MYT1: variants seen among roughly 807,000 people sequenced by gnomAD.
The protein encoded by MYT1 is myelin transcription factor I.
MYT1 carries 23 observed loss-of-function variants against 123.0 expected under a neutral mutation model. The observed-to-expected ratio is 0.19, with a 90% CI of 0.13 to 0.26. The LOEUF (loss-of-function observed/expected upper bound fraction) is 0.26, where lower values mean the gene tolerates loss of function less well. Among genes scored for constraint, MYT1 ranks in the 10% least tolerant of loss-of-function variants. MYT1 has a pLI of 1.00. For synonymous variants in MYT1, 518 were observed against 575.3 expected, an observed-to-expected ratio of 0.90 and a Z score of 1.43; for missense variants, 1,125 against 1,472.5, an observed-to-expected ratio of 0.76 and a Z score of 3.86.
chr20:64,239,665 A>G, intron 21 of MYT1, 95 bp from the exon 22 acceptor site: 6 of 1,550,786 alleles, frequency 3.9e-6, no homozygotes, highest in Non-Finnish European at 5.3e-6. Context: ...AGGGTTCTGC[A>G]TTCTCCCAGA....
chr20:64,171,172 G>A (rs187498231), intron 1 of MYT1, among the ~76,000 whole-genome samples: 43 of 151,616 alleles, frequency 2.8e-4, no homozygotes, highest in African/African-American at 9.4e-4. Context: ...GCCTGCCTCC[G>A]CCTCCCAAAG....
chr20:64,207,972 A>G lies in MYT1; in HGVS notation c.776A>G (p.Glu259Gly). The G allele has an allele frequency of 6.2e-7, 1 of 1,603,284 alleles. No individual in the cohort carries two copies. The highest frequency in any genetic ancestry group is 8.5e-7 in the Non-Finnish European group (1 of 1,175,700). Reference protein sequence around the residue: ...SKQKGILSHEEEDEEEEEEEE... With the variant: ...SKQKGILSHEGEDEEEEEEEE... ...CAGAAAGGCATCCTGAGTCACGAAG[A>G]GGAGGACGAGGAGGAGGAGGAGGAG... The change falls in exon 7 of 23, where the codon GAG becomes GGG. Residue 259 changes from glutamate to glycine, a missense_variant. By Grantham distance (98) the Glu-to-Gly change is moderately conservative. This residue lies in a region of MYT1 where 406 missense variants were observed against 432.2 expected (regional missense o/e 0.94). Coordinates refer to ENST00000328439, the MANE Select transcript of MYT1 (RefSeq NM_004535.3).
chr20:64,170,872 TATATATATATATAGAGAGAGAG>T (rs1194426510), intron 1 of MYT1, among the ~76,000 whole-genome samples: 2 of 62,486 alleles, frequency 3.2e-5, no homozygotes, highest in East Asian at 4.7e-4. Flanking sequence ...TATATATATA[TATATATATATATAGAGAGAGAG>T]AGAGAGAGAG....
chr20:64,201,503 G>C (rs1983298380), intron 4 of MYT1, among the ~76,000 whole-genome samples: 1 of 152,174 alleles, frequency 6.6e-6, no homozygotes, highest in African/African-American at 2.4e-5. Context: ...ATAGGACAAA[G>C]ATTATGTTCC....
chr20:64,209,036 T>C (rs995165022), intron 7 of MYT1, among the ~76,000 whole-genome samples: 1 of 152,142 alleles, frequency 6.6e-6, no homozygotes, highest in Admixed American at 6.5e-5. Context: ...AGCCATCCCC[T>C]GATCGCACGG....
At chr20:64,198,726 T>C in intron 2 of MYT1, 136 bp from the exon 3 acceptor site, 3 of 876,980 alleles carry the variant, frequency 3.4e-6, no homozygotes, top group Non-Finnish European at 5.5e-6. Flanking sequence ...TGTGAGCCCA[T>C]CCTTGTCATT....
At chr20:64,225,383 T>C (rs542211494) in intron 16 of MYT1, among the ~76,000 whole-genome samples, 5 of 152,300 alleles carry the variant, frequency 3.3e-5, no homozygotes. Context: ...TGATGTGTGT[T>C]CTGTGTTTTA....
At chr20:64,237,169 G>A (rs1352807291) in intron 20 of MYT1, 118 bp from the exon 21 acceptor site, 3 of 701,642 alleles carry the variant, frequency 4.3e-6, no homozygotes, top group African/African-American at 1.8e-5. Flanking sequence ...GGAAAACCAG[G>A]AGGGGAGACC....
rs979265422 is a variant in MYT1 at position 64,186,012 on chromosome 20, C to T, written c.-98-4051C>T. Among the ~76,000 whole-genome samples, 8 of 152,136 alleles carry T rather than the reference C, an allele frequency of 5.3e-5. No homozygotes were observed. The South Asian group carries it at 1.0e-3, about 20-fold the overall frequency. ...GAGGGCTTCATTAGGAGAAGACAGA[C>T]GGGGGGCTACAGCTCAGCACTGCAC... On this transcript the variant is annotated intron_variant, in intron 1 of 22. Transcript: ENST00000328439. The surrounding 1 kb of genome is among the most constrained non-coding windows in gnomAD (Gnocchi z 4.3).
At chr20:64,237,447 T>TTTGG in intron 21 of MYT1, 57 bp downstream of exon 21, 1 of 1,376,576 alleles carries the variant, frequency 7.3e-7, no homozygotes, top group Non-Finnish European at 1.0e-6. Flanking sequence ...CAAACATTCG[T>TTTGG]CTTGGGGACA....
chr20:64,217,384 G>C (rs1026606918), intron 11 of MYT1, 103 bp downstream of exon 11: 2 of 1,270,448 alleles, frequency 1.6e-6, no homozygotes, highest in Admixed American at 2.0e-5. Flanking sequence ...AGCTACTAGG[G>C]AGGGAAACTC....
chr20:64,189,825 G>A lies in MYT1; in HGVS notation c.-98-238G>A, dbSNP rs927376240. On this transcript the variant is annotated intron_variant, in intron 1 of 22. Transcript: ENST00000328439. This position sits in a 1 kb window ranked among gnomAD's most constrained non-coding sequence, Gnocchi z 5.5. ...CAACACCTAGAGCTGGGACAACAGT[G>A]CAGGGGACTGCAGGAAGACTCCAGG... is the stretch of plus-strand genomic sequence containing the variant. Among the ~76,000 whole-genome samples, 1 of 152,186 alleles carries A rather than the reference G, an allele frequency of 6.6e-6. No individual in the cohort carries two copies. The highest frequency in any genetic ancestry group is 2.4e-5 in the African/African-American group (1 of 41,450).
chr20:64,197,730 G>A (rs1983165104), intron 2 of MYT1, among the ~76,000 whole-genome samples: 1 of 152,382 alleles, frequency 6.6e-6, no homozygotes, highest in Middle Eastern at 3.4e-3. Context: ...CAAGGATGCT[G>A]TGTGTGACCC....
chr20:64,176,246 C>T (rs1179882244), intron 1 of MYT1, among the ~76,000 whole-genome samples: 144 of 29,016 alleles, frequency 5.0e-3, no homozygotes, highest in Middle Eastern at 0.025. Context: ...GCATCTTTCC[C>T]TGTAGTTGTG....
intron 19 of MYT1, 63 bp from the exon 20 acceptor site, chr20:64,236,492 A>C: frequency 7.3e-7 from 1 of 1,375,310 alleles, no homozygotes; most frequent in South Asian, 1.2e-5. Flanking sequence ...GTGGTATGTG[A>C]CCCTGGGATG....
At chr20:64,227,130 C>G (rs1002470721) in intron 16 of MYT1, among the ~76,000 whole-genome samples, 5 of 152,244 alleles carry the variant, frequency 3.3e-5, no homozygotes, top group African/African-American at 1.2e-4. Flanking sequence ...TGGGTGTAAA[C>G]CGATGCTGGA....
Position 64,202,059 on chromosome 20 carries a change from C to T in MYT1, c.86+2137C>T, listed in dbSNP as rs530854052. ...CCGCGTGTCGGGAACCTCTGCGTGTCGGGAACCCCTGTGTGCAGGACTTTC... is the reference window on the plus strand; with the variant it reads ...CCGCGTGTCGGGAACCTCTGCGTGTTGGGAACCCCTGTGTGCAGGACTTTC... On this transcript the variant is annotated intron_variant, in intron 4 of 22. Transcript: ENST00000328439. The surrounding 1 kb of genome is among the most constrained non-coding windows in gnomAD (Gnocchi z 5.0). Among the ~76,000 whole-genome samples the T allele has an allele frequency of 2.0e-5, 3 of 151,508 alleles. No individual in the cohort carries two copies. Among genetic ancestry groups the T allele is most frequent in the South Asian group, 2.1e-4 (1 of 4,758 alleles).
At chr20:64,207,514 T>G in intron 6 of MYT1, 80 bp from the exon 7 acceptor site, 1 of 1,540,962 alleles carries the variant, frequency 6.5e-7, no homozygotes, top group East Asian at 2.3e-5. Context: ...GGTGGAGGGG[T>G]GGTGGGTGTG....
rs752189313 is a variant in MYT1, at chr20:64,213,588, G to A, written c.1572G>A (p.Lys524=). The stretch of plus-strand genomic sequence containing the variant: ...AAAAATTAGCCAAATCCCATGAGAA[G>A]CAGCAGCCGCAGACAGGAGATCCTT... The part of the protein sequence containing the change: ...AAEKLAKSHE[K]QQPQTGDPSK... Residue 524 remains lysine (K), a synonymous_variant, in exon 10 of 23, where the codon AAG becomes AAA. Transcript: ENST00000328439. This position sits in a 1 kb window ranked among gnomAD's most constrained non-coding sequence, Gnocchi z 5.6. The A allele has an allele frequency of 1.2e-6, 2 of 1,614,156 alleles. No individual in the cohort carries two copies. Among genetic ancestry groups the A allele is most frequent in the South Asian group, 1.1e-5 (1 of 91,086 alleles).
Sources: allele counts gnomAD v4.1 joint callset (sites outside exome capture counted in the v4.1 genomes callset), GRCh38; gene constraint gnomAD v4.1.1; regional missense constraint gnomAD v4.1.1; non-coding constraint Gnocchi (gnomAD v3.1); transcripts MANE v1.5; gene names NCBI Gene and HGNC (gene_info 2026-07-23, HGNC 2026-07-21).